The following PAK1 variants were observed in gnomAD, a reference collection of about 807,000 sequenced individuals.
The protein encoded by PAK1 is p21 (RAC1) activated kinase 1.
Under a neutral mutation model 67.4 loss-of-function variants are expected in PAK1, and 29 were observed. The ratio of observed to expected loss-of-function variants is 0.43; its 90% confidence interval spans 0.32 to 0.59. The LOEUF (loss-of-function observed/expected upper bound fraction) is 0.59. Among genes scored for constraint, PAK1 ranks in the 20% least tolerant of loss-of-function variants. PAK1 has a pLI of 0.07. For synonymous variants in PAK1, 223 were observed against 237.4 expected (o/e 0.94, Z 0.56); for missense variants, 337 against 670.7 (o/e 0.50, Z 5.50).
the PAK1 span, among the ~76,000 whole-genome samples, chr11:77,523,738 G>T: frequency 6.6e-6 from 1 of 152,118 alleles, no homozygotes; most frequent in Non-Finnish European, 1.5e-5. Flanking sequence ...TTTAAAATAT[G>T]CATTAATATA....
chr11:77,523,646 C>T, the PAK1 span, among the ~76,000 whole-genome samples: 789 of 152,256 alleles, frequency 5.2e-3, 10 homozygotes, highest in African/African-American at 0.018. Context: ...TCTCAAACTC[C>T]TGACCTCGTG....
At chr11:77,427,773 G>A (rs1955628398) in intron 1 of PAK1, among the ~76,000 whole-genome samples, 1 of 152,180 alleles carries the variant, frequency 6.6e-6, no homozygotes, top group Admixed American at 6.5e-5. Flanking sequence ...AGAAAAAAAG[G>A]GGACTGTTTA....
chr11:77,449,371 G>C (rs1387089244), intron 1 of PAK1, among the ~76,000 whole-genome samples: 1 of 152,176 alleles, frequency 6.6e-6, no homozygotes, highest in Non-Finnish European at 1.5e-5. Flanking sequence ...AACATCAGAG[G>C]CATCAACTAT....
intron 12 of PAK1, 131 bp from the exon 13 acceptor site, chr11:77,336,413 A>C (rs926644225): frequency 1.0e-5 from 6 of 571,880 alleles, no homozygotes; most frequent in Non-Finnish European, 1.8e-5. Context: ...TTGTCTCTCC[A>C]AAGTCACTTG....
the PAK1 span, among the ~76,000 whole-genome samples, chr11:77,522,909 T>C: frequency 1.3e-5 from 2 of 152,178 alleles, no homozygotes; most frequent in Admixed American, 6.5e-5. Flanking sequence ...TACAAAATCA[T>C]GTTCTCTGCA....
At chr11:77,441,774 G>C (rs1399801543) in intron 1 of PAK1, among the ~76,000 whole-genome samples, 1 of 152,208 alleles carries the variant, frequency 6.6e-6, no homozygotes, top group African/African-American at 2.4e-5. Context: ...ATGTAAAACT[G>C]AATGTGAGTT....
chr11:77,441,496 AGAGCTTCTCTGGCTGAAATG>A (rs1399380769), intron 1 of PAK1, among the ~76,000 whole-genome samples: 3 of 152,260 alleles, frequency 2.0e-5, no homozygotes, highest in Non-Finnish European at 4.4e-5. Flanking sequence ...GACGAAAAGT[AGAGCTTCTCTGGCTGAAATG>A]GAGGTGGATA....
At chr11:77,388,273 G>A (rs1950695647) in intron 2 of PAK1, among the ~76,000 whole-genome samples, 1 of 152,150 alleles carries the variant, frequency 6.6e-6, no homozygotes, top group South Asian at 2.1e-4. Context: ...CAATGGCCTA[G>A]TTTCTTTTCA....
intron 1 of PAK1, among the ~76,000 whole-genome samples, chr11:77,426,311 A>T (rs1955543518): frequency 6.6e-6 from 1 of 152,086 alleles, no homozygotes; most frequent in Non-Finnish European, 1.5e-5. Context: ...CTTTAGTGTG[A>T]AATTATGGCA....
At chr11:77,481,673 C>CAAAAAAAAAA in the PAK1 span, among the ~76,000 whole-genome samples, 112 of 94,412 alleles carry the variant, frequency 1.2e-3, no homozygotes, top group African/African-American at 4.3e-3. Context: ...GACTCCATCT[C>CAAAAAAAAAA]AAAAAAAAAA....
intron 1 of PAK1, among the ~76,000 whole-genome samples, chr11:77,445,215 G>A (rs889748471): frequency 1.1e-4 from 17 of 152,152 alleles, no homozygotes; most frequent in African/African-American, 3.9e-4. Context: ...AAAGGCCAGA[G>A]GGTAACAGAA....
chr11:77,428,094 T>C (rs912152614), intron 1 of PAK1, among the ~76,000 whole-genome samples: 2 of 152,228 alleles, frequency 1.3e-5, no homozygotes, highest in Non-Finnish European at 2.9e-5. Context: ...GATCCTTGAA[T>C]GACAGCCCAA....
At chr11:77,419,074 G>C (rs1372673518) in intron 1 of PAK1, among the ~76,000 whole-genome samples, 1 of 152,184 alleles carries the variant, frequency 6.6e-6, no homozygotes. Flanking sequence ...CTAATACACT[G>C]TCTCTCTCTT....
chr11:77,500,473 A>G, the PAK1 span, among the ~76,000 whole-genome samples: 1 of 152,144 alleles, frequency 6.6e-6, no homozygotes, highest in African/African-American at 2.4e-5. Context: ...CCTCAAAAAA[A>G]GAAAAAAAAG....
upstream of PAK1, chr11:77,474,236 TCC>T (rs1958015270): frequency 6.6e-6 from 1 of 150,852 alleles, no homozygotes; most frequent in East Asian, 2.0e-4. Flanking sequence ...CGGCTGCGGC[TCC>T]GGTGGAGCCG....
chr11:77,434,820 T>C (rs1475250087), intron 1 of PAK1, among the ~76,000 whole-genome samples: 1 of 152,106 alleles, frequency 6.6e-6, no homozygotes, highest in Non-Finnish European at 1.5e-5. Flanking sequence ...GATTTTGCCA[T>C]GTTGCCCAGG....
the PAK1 span, among the ~76,000 whole-genome samples, chr11:77,504,245 A>T: frequency 1.3e-5 from 2 of 152,166 alleles, no homozygotes; most frequent in African/African-American, 4.8e-5. Flanking sequence ...TGTTAATATA[A>T]ATAGCACATT....
At chr11:77,478,803 G>A (rs748890752), upstream of PAK1, among the ~76,000 whole-genome samples, 1 of 151,218 alleles carries the variant, frequency 6.6e-6, no homozygotes, top group Non-Finnish European at 1.5e-5. Context: ...TAGGCCAGGC[G>A]CAGTGGCTCA....
chr11:77,435,168 A>C (rs887933387), intron 1 of PAK1, among the ~76,000 whole-genome samples: 3 of 152,194 alleles, frequency 2.0e-5, no homozygotes, highest in East Asian at 3.8e-4. Context: ...AAGAAAAAAA[A>C]CACTGAATTG....
Sources: gnomAD v4.1 joint callset for allele counts (sites outside exome capture counted in the v4.1 genomes callset) on GRCh38, gnomAD v4.1.1 for gene constraint, MANE v1.5 for transcripts, NCBI Gene and HGNC (gene_info 2026-07-23, HGNC 2026-07-21) for gene names.